The following DNAH7 variants were observed in gnomAD, a reference collection of about 807,000 sequenced individuals.
DNAH7 encodes the protein axonemal beta dynein heavy chain 7.
Under a neutral mutation model 444.6 loss-of-function variants are expected in DNAH7, and 397 were observed. The observed-to-expected ratio is 0.89, with a 90% CI of 0.82 to 0.97. DNAH7 has a LOEUF of 0.97. Ranked by LOEUF, DNAH7 falls within the 50% of genes least tolerant of loss-of-function variation. The probability of loss-of-function intolerance (pLI) is 0.00; values close to 1 mark genes in which losing one functional copy is unlikely to be tolerated. For synonymous variants in DNAH7, 1,636 were observed against 1,624.4 expected, an observed-to-expected ratio of 1.01 and a Z score of -0.17; for missense variants, 4,902 against 4,800.8, an observed-to-expected ratio of 1.02 and a Z score of -0.62.
chr2:195,897,724 T>C lies in DNAH7; in HGVS notation c.4590A>G (p.Arg1530=). The part of the protein sequence containing the change: ...PNENEEILLL[R]SIIDVNLPKF... Reference sequence around the variant, plus strand: ...TTGGCAGATTTACATCAATGATAGATCTAAGCAGCAAAATTTCTTCATTTT... The same window carrying C: ...TTGGCAGATTTACATCAATGATAGACCTAAGCAGCAAAATTTCTTCATTTT... Residue 1530 remains arginine, a synonymous_variant, in exon 29 of 65, where the codon AGA becomes AGG. Coordinates refer to ENST00000312428, the MANE Select transcript of DNAH7 (RefSeq NM_018897.3). 1.3e-6 allele frequency: 2 copies of C among 1,595,926 alleles called. No individual in the cohort carries two copies. The highest frequency in any genetic ancestry group is 1.7e-6 in the Non-Finnish European group (2 of 1,171,544).
chr2:195,892,503 CT>C (rs1224887286), intron 30 of DNAH7: 1 of 148,724 alleles, frequency 6.7e-6, no homozygotes, highest in Non-Finnish European at 1.5e-5. Flanking sequence ...AATTAACTGG[CT>C]TTTTAAAAAA....
Position 195,934,716 on chromosome 2 carries a change from G to C in DNAH7, c.3346C>G (p.His1116Asp). 1 of 1,614,064 alleles carries C rather than the reference G, an allele frequency of 6.2e-7. No homozygotes were observed. The highest frequency in any genetic ancestry group is 8.5e-7 in the Non-Finnish European group (1 of 1,179,982). ...ACCTCTCCTTCGCTGCTCTTCATGTGAGTAATGTCTAAAGTTTCCGTAAAT... is the reference window on the plus strand; with the variant it reads ...ACCTCTCCTTCGCTGCTCTTCATGTCAGTAATGTCTAAAGTTTCCGTAAAT... The part of the protein sequence containing the change: ...VEFTETLDIT[H>D]MKSSEGEVVE... Residue 1116 changes from histidine (H) to aspartate (D), a missense_variant, in exon 21 of 65, where the codon CAC becomes GAC. His to Asp is a moderately conservative substitution (Grantham distance 81, BLOSUM62 -1). Coordinates refer to ENST00000312428, the MANE Select transcript of DNAH7 (RefSeq NM_018897.3).
chr2:195,881,754 G>T (rs764071803), intron 36 of DNAH7, 41 bp downstream of exon 36: 9 of 1,558,584 alleles, frequency 5.8e-6, no homozygotes, highest in East Asian at 2.2e-5. Flanking sequence ...TTCTTAGGAA[G>T]ATTATGCACA....
At chr2:195,769,099 C>G (rs1446228662) in intron 61 of DNAH7, among the ~76,000 whole-genome samples, 1 of 151,972 alleles carries the variant, frequency 6.6e-6, no homozygotes, top group Non-Finnish European at 1.5e-5. Context: ...TTTTCTTCCT[C>G]AAATTAGTGA....
intron 57 of DNAH7, among the ~76,000 whole-genome samples, chr2:195,789,821 C>T (rs1695794454): frequency 6.6e-6 from 1 of 151,356 alleles, no homozygotes; most frequent in Admixed American, 6.6e-5. Context: ...GAAGTCCTAG[C>T]CAGAGTAAAC....
chr2:195,864,806 G>A lies in DNAH7; in HGVS notation c.6849C>T (p.Tyr2283=). 6.2e-7 allele frequency: 1 copy of A among 1,614,180 alleles called. No homozygotes were observed. Among genetic ancestry groups the A allele is most frequent in the Non-Finnish European group, 8.5e-7 (1 of 1,180,034 alleles). The change falls in exon 41 of 65, where the codon TAC becomes TAT. Residue 2283 remains tyrosine, a synonymous_variant. Coordinates refer to ENST00000312428, the MANE Select transcript of DNAH7 (RefSeq NM_018897.3). ...GATTATCCACATCTGCGATTTCTCT[G>A]TAGTTGGTATCCTCCCTCTTGGGAT... ...FHDPKREDTN[Y]REIADVDNLR...
chr2:195,869,699 G>A (rs1179050586), intron 40 of DNAH7, among the ~76,000 whole-genome samples: 3 of 152,038 alleles, frequency 2.0e-5, no homozygotes, highest in Admixed American at 6.5e-5. Context: ...CAGGAGACCT[G>A]TACTGCTGGT....
chr2:195,964,295 T>C (rs1486025536), intron 17 of DNAH7, among the ~76,000 whole-genome samples: 2 of 152,190 alleles, frequency 1.3e-5, no homozygotes, highest in Admixed American at 6.5e-5. Context: ...TATACCTTTT[T>C]ATGTGTCACC....
chr2:195,865,012 C>G lies in DNAH7; in HGVS notation c.6643G>C (p.Val2215Leu). The change falls in exon 41 of 65, where the codon GTG (valine) becomes CTG (leucine). Residue 2215 changes from valine (V) to leucine (L), a missense_variant. By Grantham distance (32) the Val-to-Leu change is conservative. Transcript: ENST00000312428. ...TTGTCCAGAAGGCGGTCATAATACA[C>G]TCGAAGGACCTGTATAATAATTAAA... The part of the protein sequence containing the change: ...KRLWVHEVLR[V>L]YYDRLLDNTD... 6.3e-7 allele frequency: 1 copy of G among 1,588,320 alleles called. No individual in the cohort carries two copies. Among genetic ancestry groups the G allele is most frequent in the Non-Finnish European group, 8.5e-7 (1 of 1,175,444 alleles).
chr2:195,929,697 A>G (rs908042675), intron 21 of DNAH7, among the ~76,000 whole-genome samples: 1 of 152,114 alleles, frequency 6.6e-6, no homozygotes, highest in Non-Finnish European at 1.5e-5. Context: ...TTTACCCCCA[A>G]CTTTCATCAT....
At chr2:196,051,435 TA>T (rs1697458908) in intron 2 of DNAH7, among the ~76,000 whole-genome samples, 186 bp from the exon 3 acceptor site, 1 of 152,056 alleles carries the variant, frequency 6.6e-6, no homozygotes. Context: ...AGCAAGAAAA[TA>T]AAGGAAAATT....
At chr2:195,863,347 T>A (rs1700133097) in intron 41 of DNAH7, among the ~76,000 whole-genome samples, 2 of 152,200 alleles carry the variant, frequency 1.3e-5, no homozygotes, top group South Asian at 4.1e-4. Flanking sequence ...GCCCACAGAT[T>A]TTTTACCACA....
chr2:196,028,055 A>C lies in DNAH7; in HGVS notation c.399-8T>G. Reference sequence around the variant, plus strand: ...AAGTCAGCATCTTGTTGCCTAAGAAAATGATAAACATACTATTCAAAAGTA... The same window carrying C: ...AAGTCAGCATCTTGTTGCCTAAGAACATGATAAACATACTATTCAAAAGTA... On this transcript the variant is annotated splice_polypyrimidine_tract_variant and splice_region_variant and intron_variant, in intron 5 of 64. Coordinates refer to ENST00000312428, the MANE Select transcript of DNAH7 (RefSeq NM_018897.3). 6.2e-7 allele frequency: 1 copy of C among 1,605,766 alleles called. No individual in the cohort carries two copies. Among genetic ancestry groups the C allele is most frequent in the South Asian group, 1.1e-5 (1 of 89,756 alleles).
chr2:195,740,172 C>T, intron 64 of DNAH7, among the ~76,000 whole-genome samples: 1 of 151,980 alleles, frequency 6.6e-6, no homozygotes, highest in East Asian at 1.9e-4. Context: ...TCAGTAGAGA[C>T]TGGGGTTTCT....
intron 53 of DNAH7, among the ~76,000 whole-genome samples, chr2:195,807,755 T>A (rs184898410): frequency 6.6e-6 from 1 of 152,194 alleles, no homozygotes; most frequent in Non-Finnish European, 1.5e-5. Context: ...ATGTGGTATC[T>A]CAAATTAGAA....
At chr2:195,918,741 C>A (rs533048333) in intron 24 of DNAH7, among the ~76,000 whole-genome samples, 1 of 151,810 alleles carries the variant, frequency 6.6e-6, no homozygotes, top group Non-Finnish European at 1.5e-5. Flanking sequence ...AGGGGTTCTG[C>A]GGGAGAGGAG....
At chr2:195,869,467 A>G (rs1249349532) in intron 40 of DNAH7, among the ~76,000 whole-genome samples, 2 of 152,162 alleles carry the variant, frequency 1.3e-5, no homozygotes, top group Non-Finnish European at 2.9e-5. Context: ...AACAACACAT[A>G]TAACGAATGA....
At chr2:195,818,160 G>A (rs1697307493) in intron 49 of DNAH7, among the ~76,000 whole-genome samples, 1 of 152,166 alleles carries the variant, frequency 6.6e-6, no homozygotes, top group South Asian at 2.1e-4. Flanking sequence ...TTTCATTTCA[G>A]TTGATCAGAG....
At chr2:195,871,609 C>A (rs868352969) in intron 40 of DNAH7, among the ~76,000 whole-genome samples, 8 of 149,950 alleles carry the variant, frequency 5.3e-5, no homozygotes, top group Admixed American at 2.7e-4. Context: ...AAAAAAAAAA[C>A]CACATTCACT....
Sources: allele counts gnomAD v4.1 joint callset (sites outside exome capture counted in the v4.1 genomes callset), GRCh38; gene constraint gnomAD v4.1.1; transcripts MANE v1.5; gene names NCBI Gene and HGNC (gene_info 2026-07-23, HGNC 2026-07-21).